MYH4: variants seen among roughly 807,000 people sequenced by gnomAD.
The protein encoded by MYH4 is myosin heavy chain 4, also known as myosin-4.
A neutral mutation model predicts 229.9 loss-of-function variants in MYH4; 200 were observed. The ratio of observed to expected loss-of-function variants is 0.87; its 90% CI spans 0.78 to 0.98. MYH4 has a LOEUF of 0.98. MYH4 is among the 50% of genes least tolerant of loss of function. The probability of loss-of-function intolerance (pLI) is 0.00; values close to 1 mark genes in which losing one functional copy is unlikely to be tolerated. For synonymous variants in MYH4, 761 were observed against 834.6 expected (o/e 0.91, Z 1.52); for missense variants, 2,148 against 2,332.6 (o/e 0.92, Z 1.63).
rs2072773517 is a variant in MYH4 at position 10,466,809 on chromosome 17, G to A, written c.-39-25C>T. The A allele has an allele frequency of 1.9e-6, 3 of 1,580,492 alleles. No individual in the cohort carries two copies. In the African/African-American group the frequency reaches 4.0e-5, roughly 21 times the overall value. ...CCTAGAGGAAGAAACAGAGCCAAATGATGATTCAGGGTTGGGGTGGAGAAT... is the reference window on the plus strand; with the variant it reads ...CCTAGAGGAAGAAACAGAGCCAAATAATGATTCAGGGTTGGGGTGGAGAAT... On this transcript the variant is annotated intron_variant, in intron 2 of 39. Coordinates refer to ENST00000255381, the MANE Select transcript of MYH4 (RefSeq NM_017533.2).
At position 10,453,789 on chromosome 17, in the gene MYH4, C is replaced by T; in HGVS notation, c.2788G>A (p.Ala930Thr). ...EAKIKEVTER[A>T]EDEEEINAEL... is the part of the protein sequence containing the mutation. ...GCATTGATCTCTTCCTCATCCTCAG[C>T]TCTTTCAGTTACCTCTTTGATTTTG... is the stretch of plus-strand genomic sequence containing the variant. Residue 930 changes from alanine (A) to threonine (T), a missense_variant, in exon 23 of 40, where the codon GCT (alanine) becomes ACT (threonine). Ala to Thr is a moderately conservative substitution (Grantham distance 58). Coordinates refer to ENST00000255381, the MANE Select transcript of MYH4 (RefSeq NM_017533.2). The T allele has an allele frequency of 6.2e-7, 1 of 1,614,066 alleles. No individual in the cohort carries two copies. Among genetic ancestry groups the T allele is most frequent in the South Asian group, 1.1e-5 (1 of 91,074 alleles).
chr17:10,462,558 C>G (rs553780606), intron 11 of MYH4, among the ~76,000 whole-genome samples: 3 of 152,184 alleles, frequency 2.0e-5, no homozygotes, highest in East Asian at 1.9e-4. Context: ...CATAAAATAG[C>G]AGAGAAACAT....
In MYH4 at chr17:10,463,548, T is replaced by C; in HGVS notation, c.741+3A>G. ...TCAAGAAAATGAAGATCAAGAGACT[T>C]ACAAAGCGAGAGGAGTTGTCATTCC... On this transcript the variant is annotated splice_donor_region_variant and intron_variant, in intron 8 of 39. Transcript: ENST00000255381. 6.2e-7 allele frequency: 1 copy of C among 1,610,730 alleles called. No individual in the cohort carries two copies. The highest frequency in any genetic ancestry group is 8.5e-7 in the Non-Finnish European group (1 of 1,176,930).
chr17:10,455,336 A>G (rs1354511388), intron 19 of MYH4, 41 bp from the exon 20 acceptor site: 1 of 1,575,158 alleles, frequency 6.3e-7, no homozygotes, highest in Non-Finnish European at 8.6e-7. Flanking sequence ...GTTTTTCTTC[A>G]CTGAAAAAAA....
Position 10,443,297 on chromosome 17 carries a change from C to A in MYH4, c.*78G>T. 1 of 1,432,376 alleles carries A rather than the reference C, an allele frequency of 7.0e-7. No individual in the cohort carries two copies. The highest frequency in any genetic ancestry group is 9.6e-7 in the Non-Finnish European group (1 of 1,046,272). The allele number at this position is 1,432,376 out of a possible 1,614,324, so 88.7% of individuals were successfully genotyped here. On this transcript the variant is annotated 3_prime_UTR_variant, in exon 40 of 40. Coordinates refer to ENST00000255381, the MANE Select transcript of MYH4 (RefSeq NM_017533.2). The surrounding 1 kb of genome is among the most constrained non-coding windows in gnomAD (Gnocchi z 4.6). ...GCAAAATTATCTAAAGATTTTATTTCCTTGATATACAGGACAGTGACAAAG... is the reference window on the plus strand; with the variant it reads ...GCAAAATTATCTAAAGATTTTATTTACTTGATATACAGGACAGTGACAAAG...
intron 34 of MYH4, 115 bp downstream of exon 34, chr17:10,447,703 T>A: frequency 2.8e-6 from 3 of 1,053,288 alleles, no homozygotes; most frequent in Non-Finnish European, 4.2e-6. Context: ...AACTTTGAAC[T>A]GATTACCATG....
At position 10,448,607 on chromosome 17, in the gene MYH4, C is replaced by G. The variant is rs1220819892; in HGVS notation, c.4531+11G>C. 1.2e-6 allele frequency: 2 copies of G among 1,612,486 alleles called. No individual in the cohort carries two copies. The highest frequency in any genetic ancestry group is 3.4e-5 in the Admixed American group (2 of 59,638). On this transcript the variant is annotated intron_variant, in intron 32 of 39. Transcript: ENST00000255381. ...TACCATTTTTGAAATAGAATGATTA[C>G]AGTGACTCACGTTGTAAGTTCTTAT...
intron 16 of MYH4, 54 bp downstream of exon 16, chr17:10,457,366 C>G: frequency 6.6e-7 from 1 of 1,517,128 alleles, no homozygotes. Flanking sequence ...CTCTGTTGAA[C>G]AGTGTATATC....
chr17:10,454,822 GA>G lies in MYH4; in HGVS notation c.2436-13del, dbSNP rs139601386. On this transcript the variant is annotated splice_polypyrimidine_tract_variant and intron_variant, in intron 21 of 39. Coordinates refer to ENST00000255381, the MANE Select transcript of MYH4 (RefSeq NM_017533.2). ...AGAAGATGGACTCTCTGTAGGAAAA[GA>G]AAAAAAGATGCAAATGGAGAATAAT... 1.0e-3 allele frequency: 1,622 copies of G among 1,608,704 alleles called. 15 individuals are homozygous for G. In the African/African-American group the frequency reaches 0.019, roughly 19 times the overall value.
chr17:10,457,549 C>T lies in MYH4; in HGVS notation c.1768G>A (p.Asp590Asn). ...FSLVHYAGTV[D>N]YNIAGWLDKN... is the part of the protein sequence containing the mutation. ...TCCAGCCAGCCGGCGATGTTGTAGTCCACGGTGCCGGCATAGTGCACCAGT... is the reference window on the plus strand; with the variant it reads ...TCCAGCCAGCCGGCGATGTTGTAGTTCACGGTGCCGGCATAGTGCACCAGT... The change falls in exon 16 of 40, where the codon GAC (aspartate) becomes AAC (asparagine). Residue 590 changes from aspartate (D) to asparagine (N), a missense_variant. By Grantham distance (23) the Asp-to-Asn change is conservative. Transcript: ENST00000255381. The T allele has an allele frequency of 6.2e-7, 1 of 1,614,166 alleles. No individual in the cohort carries two copies. Among genetic ancestry groups the T allele is most frequent in the Non-Finnish European group, 8.5e-7 (1 of 1,180,026 alleles).
intron 12 of MYH4, among the ~76,000 whole-genome samples, chr17:10,460,609 G>A (rs1443303282): frequency 6.6e-6 from 1 of 152,184 alleles, no homozygotes; most frequent in Non-Finnish European, 1.5e-5. Context: ...CTAACCTAGA[G>A]GAGTAGTGAC....
Position 10,456,524 on chromosome 17 carries a change from C to T in MYH4, c.1929G>A (p.Lys643=). The part of the protein sequence containing the change: ...EGGGGKKGGK[K]KGSSFQTVSA... ...ACACTGTCTGGAAAGAAGAACCCTTCTTTTTGCCACCTTTCTTTCCACCAC... is the reference window on the plus strand; with the variant it reads ...ACACTGTCTGGAAAGAAGAACCCTTTTTTTTGCCACCTTTCTTTCCACCAC... The change falls in exon 17 of 40, where the codon AAG becomes AAA. Residue 643 remains lysine, a synonymous_variant. Coordinates refer to ENST00000255381, the MANE Select transcript of MYH4 (RefSeq NM_017533.2). 2 of 1,613,970 alleles carry T rather than the reference C, an allele frequency of 1.2e-6. No individual in the cohort carries two copies. Among genetic ancestry groups the T allele is most frequent in the Non-Finnish European group, 8.5e-7 (1 of 1,179,936 alleles).
intron 30 of MYH4, among the ~76,000 whole-genome samples, chr17:10,449,769 C>T (rs369620298): frequency 9.2e-5 from 14 of 152,266 alleles, no homozygotes; most frequent in Middle Eastern, 3.4e-3. Context: ...TCTTCACCAA[C>T]CTATGTAATT....
intron 12 of MYH4, 41 bp downstream of exon 12, chr17:10,460,875 G>A (rs770817115): frequency 5.6e-6 from 9 of 1,609,872 alleles, no homozygotes; most frequent in Non-Finnish European, 7.6e-6. Context: ...AGTTCACTAT[G>A]TCAGCTTTGT....
Position 10,459,303 on chromosome 17 carries a change from T to G in MYH4, c.1535A>C (p.Glu512Ala), listed in dbSNP as rs762372389. Residue 512 changes from glutamate to alanine, a missense_variant, in exon 15 of 40, where the codon GAG (glutamate) becomes GCG (alanine). By Grantham distance (107) the Glu-to-Ala change is moderately radical. Transcript: ENST00000255381. ...CAGGTCCATCCCGAAGTCAATGAACTCCCACTCGATGCCTTCCTTCTTGTA... is the reference window on the plus strand; with the variant it reads ...CAGGTCCATCCCGAAGTCAATGAACGCCCACTCGATGCCTTCCTTCTTGTA... ...EEYKKEGIEW[E>A]FIDFGMDLAA... 3 of 1,613,866 alleles carry G rather than the reference T, an allele frequency of 1.9e-6. No individual in the cohort carries two copies. The highest frequency in any genetic ancestry group is 2.2e-5 in the South Asian group (2 of 90,836).
chr17:10,445,393 C>A, intron 35 of MYH4, 31 bp from the exon 36 acceptor site: 1 of 1,613,062 alleles, frequency 6.2e-7, no homozygotes, highest in African/African-American at 1.3e-5. Context: ...AGAAGAGAAG[C>A]ACATTTACTT....
intron 4 of MYH4, 72 bp from the exon 5 acceptor site, chr17:10,465,670 C>T: frequency 3.2e-6 from 5 of 1,580,320 alleles, no homozygotes; most frequent in Non-Finnish European, 4.3e-6. Context: ...TGTTTAAGGG[C>T]AAGTAGAGCA....
Position 10,462,933 on chromosome 17 carries a change from C to T in MYH4, c.940G>A (p.Ala314Thr), listed in dbSNP as rs764461718. The change falls in exon 11 of 40, where the codon GCA becomes ACA. Residue 314 changes from alanine (A) to threonine (T), a missense_variant. Ala to Thr is a moderately conservative substitution (Grantham distance 58, BLOSUM62 0). Coordinates refer to ENST00000255381, the MANE Select transcript of MYH4 (RefSeq NM_017533.2). ...LLITTNPYDF[A>T]FVSQGEITVP... is the part of the protein sequence containing the mutation. ...GTAATTTCCCCTTGGCTGACAAATG[C>T]GAAGTCATATGGGTTGGTGGTGATC... 3.7e-5 allele frequency: 60 copies of T among 1,613,910 alleles called. No homozygotes were observed. The highest frequency in any genetic ancestry group is 1.6e-4 in the Middle Eastern group (1 of 6,084).
At chr17:10,450,381 C>T (rs2072559060) in intron 30 of MYH4, 72 bp downstream of exon 30, 1 of 1,609,434 alleles carries the variant, frequency 6.2e-7, no homozygotes, top group Non-Finnish European at 8.5e-7. Flanking sequence ...CCGGAATATT[C>T]TCTTTCTTCT....
Sources: gnomAD v4.1 joint callset for allele counts (sites outside exome capture counted in the v4.1 genomes callset) on GRCh38, gnomAD v4.1.1 for gene constraint, Gnocchi (gnomAD v3.1) non-coding constraint, MANE v1.5 for transcripts, NCBI Gene and HGNC (gene_info 2026-07-23, HGNC 2026-07-21) for gene names.